Variants in TMEM87A observed in about 807,000 individuals in gnomAD.
TMEM87A encodes transmembrane protein 87A.
Under a neutral mutation model 90.0 loss-of-function variants are expected in TMEM87A, and 50 were observed. That is an observed-to-expected ratio of 0.56 (90% CI 0.44 to 0.70). The LOEUF (loss-of-function observed/expected upper bound fraction) is 0.70, where lower values mean the gene tolerates loss of function less well. TMEM87A is among the 30% of genes least tolerant of loss of function. TMEM87A has a pLI of 0.00. For missense variants in TMEM87A, 577 were observed against 660.5 expected (o/e 0.87, Z 1.39); for synonymous variants, 226 against 226.7 (o/e 1.00, Z 0.03).
At position 42,268,018 on chromosome 15, in the gene TMEM87A, A is replaced by T. The variant is rs2051440035; in HGVS notation, c.220T>A (p.Cys74Ser). Residue 74 changes from cysteine to serine, a missense_variant, in exon 3 of 20, where the codon TGT becomes AGT. Coordinates refer to ENST00000389834, the MANE Select transcript of TMEM87A (RefSeq NM_015497.5). ...TIFLKFDGEP[C>S]DLSLNITWYL... ...CAGGTTATATTCAAAGACAGGTCAC[A>T]AGGTTCTCCATCAACTACAAAAGAA... The T allele has an allele frequency of 6.2e-7, 1 of 1,612,700 alleles. No individual in the cohort carries two copies. Among genetic ancestry groups the T allele is most frequent in the Admixed American group, 1.7e-5 (1 of 59,890 alleles).
Position 42,268,086 on chromosome 15 carries a change from T to C in TMEM87A, c.206-54A>G, listed in dbSNP as rs186887482. On this transcript the variant is annotated intron_variant, in intron 2 of 19. Transcript: ENST00000389834. ...AAGATAATTCCCCAACAAAGCATTT[T>C]TCCTAAGCTGTTAACCTATATCCTA... is the stretch of plus-strand genomic sequence containing the variant. 7 of 1,500,246 alleles carry C rather than the reference T, an allele frequency of 4.7e-6. No homozygotes were observed. The Admixed American group carries it at 1.2e-4, about 25-fold the overall frequency. 92.9% of individuals were successfully genotyped at this position (1,500,246 alleles called of 1,614,324 possible).
intron 15 of TMEM87A, among the ~76,000 whole-genome samples, chr15:42,223,261 T>A (rs1329756854): frequency 6.6e-6 from 1 of 152,064 alleles, no homozygotes; most frequent in East Asian, 1.9e-4. Flanking sequence ...AGTGTGGTGG[T>A]GCACACCGGT....
intron 6 of TMEM87A, among the ~76,000 whole-genome samples, chr15:42,252,036 C>T (rs1287735105): frequency 6.6e-6 from 1 of 152,230 alleles, no homozygotes; most frequent in Non-Finnish European, 1.5e-5. Flanking sequence ...GCTCCGTGGG[C>T]GTGGGACCCG....
At chr15:42,214,266 CCTT>C (rs2050344574) in intron 19 of TMEM87A, among the ~76,000 whole-genome samples, 1 of 152,024 alleles carries the variant, frequency 6.6e-6, no homozygotes, top group Non-Finnish European at 1.5e-5. Flanking sequence ...TAACACTAAT[CCTT>C]CTTAAACGCT....
In TMEM87A at chr15:42,273,245, GAATA is replaced by G; in HGVS notation, c.144+6_144+9del. On this transcript the variant is annotated splice_donor_region_variant and intron_variant, in intron 1 of 19. Coordinates refer to ENST00000389834, the MANE Select transcript of TMEM87A (RefSeq NM_015497.5). Reference sequence around the variant, plus strand: ...CTCTAGGTTCAGACGTTAGTGAAGTGAATACTCACCGACGGTATCGGAATGTGCC... The same window carrying G: ...CTCTAGGTTCAGACGTTAGTGAAGTGCTCACCGACGGTATCGGAATGTGCC... 6.2e-7 allele frequency: 1 copy of G among 1,613,484 alleles called. No homozygotes were observed. Among genetic ancestry groups the G allele is most frequent in the South Asian group, 1.1e-5 (1 of 91,050 alleles).
intron 2 of TMEM87A, among the ~76,000 whole-genome samples, chr15:42,268,850 G>A (rs2051457002): frequency 6.6e-6 from 1 of 152,134 alleles, no homozygotes; most frequent in African/African-American, 2.4e-5. Context: ...ATTAACAACT[G>A]TTAAATGGTG....
chr15:42,273,264 C>T lies in TMEM87A; in HGVS notation c.135G>A (p.Pro45=), dbSNP rs745668846. The part of the protein sequence containing the change: ...AAADRSKWHI[P]IPSGKNYFSF... ...TGAAGTGAATACTCACCGACGGTAT[C>T]GGAATGTGCCATTTGGACCGGTCGG... is the stretch of plus-strand genomic sequence containing the variant. The change falls in exon 1 of 20, where the codon CCG becomes CCA. Residue 45 remains proline, a synonymous_variant. Transcript: ENST00000389834. 6.2e-7 allele frequency: 1 copy of T among 1,614,150 alleles called. No individual in the cohort carries two copies. Among genetic ancestry groups the T allele is most frequent in the Non-Finnish European group, 8.5e-7 (1 of 1,180,028 alleles).
At chr15:42,231,877 G>C in intron 11 of TMEM87A, 1 of 1,278,676 alleles carries the variant, frequency 7.8e-7, no homozygotes, top group Non-Finnish European at 1.0e-6. Context: ...TTGCTGAGAG[G>C]GCCAGGTTTA....
intron 9 of TMEM87A, among the ~76,000 whole-genome samples, chr15:42,237,181 G>A (rs1004827350): frequency 1.3e-5 from 2 of 152,116 alleles, no homozygotes; most frequent in Non-Finnish European, 2.9e-5. Flanking sequence ...GAGATTTGAT[G>A]TTAATAATCA....
chr15:42,224,461 T>C (rs769114702), intron 15 of TMEM87A: 18 of 152,222 alleles, frequency 1.2e-4, no homozygotes, highest in African/African-American at 2.4e-4. Flanking sequence ...ACTGACTTGA[T>C]GTACTTCCTC....
chr15:42,227,664 G>T, intron 14 of TMEM87A, 47 bp downstream of exon 14: 1 of 1,539,722 alleles, frequency 6.5e-7, no homozygotes, highest in Non-Finnish European at 9.0e-7. Context: ...AACACCATCA[G>T]TTGTTTATAA....
At chr15:42,243,915 A>G (rs2050921243) in intron 7 of TMEM87A, 135 bp downstream of exon 7, 3 of 505,884 alleles carry the variant, frequency 5.9e-6, no homozygotes, top group Non-Finnish European at 3.4e-6. Flanking sequence ...CTAACTAAAA[A>G]TTTTAACAGC....
At chr15:42,258,191 C>T (rs955464584) in intron 6 of TMEM87A, 1 of 971,260 alleles carries the variant, frequency 1.0e-6, no homozygotes, top group Non-Finnish European at 1.2e-6. Context: ...ACAATATTTA[C>T]CAAACTGACG....
At chr15:42,240,659 G>C (rs1410846913) in intron 7 of TMEM87A, among the ~76,000 whole-genome samples, 1 of 152,026 alleles carries the variant, frequency 6.6e-6, no homozygotes, top group Non-Finnish European at 1.5e-5. Flanking sequence ...AAAATAATTT[G>C]GATAAATTCT....
chr15:42,265,211 T>A (rs1213540610), intron 3 of TMEM87A, among the ~76,000 whole-genome samples: 1 of 152,196 alleles, frequency 6.6e-6, no homozygotes, highest in Non-Finnish European at 1.5e-5. Context: ...TTATATTACT[T>A]TGGATATATA....
chr15:42,262,807 A>G (rs1284000828), intron 4 of TMEM87A, among the ~76,000 whole-genome samples: 1 of 152,234 alleles, frequency 6.6e-6, no homozygotes, highest in Non-Finnish European at 1.5e-5. Context: ...ATATTCCAAA[A>G]TAATTTTTAA....
chr15:42,269,942 CAAAAAAAAAAAA>C (rs11308996), intron 2 of TMEM87A, among the ~76,000 whole-genome samples: 5 of 71,686 alleles, frequency 7.0e-5, no homozygotes, highest in Non-Finnish European at 1.1e-4. Context: ...GACTCCGTCT[CAAAAAAAAAAAA>C]AAAAAAAAAA....
intron 3 of TMEM87A, among the ~76,000 whole-genome samples, chr15:42,265,507 T>C (rs1022815551): frequency 6.6e-6 from 1 of 152,216 alleles, no homozygotes; most frequent in Non-Finnish European, 1.5e-5. Context: ...ATATCTTCTT[T>C]TGAAAAGTGT....
intron 4 of TMEM87A, among the ~76,000 whole-genome samples, chr15:42,263,273 T>C (rs930000679): frequency 1.3e-5 from 2 of 152,176 alleles, no homozygotes; most frequent in Non-Finnish European, 1.5e-5. Flanking sequence ...TTAAAAACAT[T>C]ATGCTAAGTG....
Sources: gnomAD v4.1 joint callset for allele counts (sites outside exome capture counted in the v4.1 genomes callset) on GRCh38, gnomAD v4.1.1 for gene constraint, MANE v1.5 for transcripts, NCBI Gene and HGNC (gene_info 2026-07-23, HGNC 2026-07-21) for gene names.